CGA: variants seen among roughly 807,000 people sequenced by gnomAD.
CGA encodes the protein glycoprotein hormones, alpha polypeptide, also known as glycoprotein hormones alpha chain.
Under a neutral mutation model 12.0 loss-of-function variants are expected in CGA, and 4 were observed. The ratio of observed to expected loss-of-function variants is 0.33; its 90% confidence interval spans 0.16 to 0.76. The LOEUF (loss-of-function observed/expected upper bound fraction) is 0.76. Among genes scored for constraint, CGA ranks in the 30% least tolerant of loss-of-function variants. The pLI is 0.60. For synonymous variants in CGA, 60 were observed against 56.6 expected, an observed-to-expected ratio of 1.06 and a Z score of -0.27; for missense variants, 102 against 143.5, an observed-to-expected ratio of 0.71 and a Z score of 1.48.
chr6:87,089,968 T>C (rs1769401803), intron 1 of CGA, among the ~76,000 whole-genome samples: 1 of 152,230 alleles, frequency 6.6e-6, no homozygotes, highest in Admixed American at 6.5e-5. Flanking sequence ...TATCTCACTA[T>C]GTGTATGCAA....
At chr6:87,091,962 G>A (rs116128551) in intron 1 of CGA, among the ~76,000 whole-genome samples, 2,513 of 152,190 alleles carry the variant, frequency 0.017, 70 homozygotes, top group African/African-American at 0.057. Flanking sequence ...GCAGTGAGCC[G>A]AGATTGCGCC....
Position 87,088,104 on chromosome 6 carries a change from G to A in CGA, c.88+9C>T, listed in dbSNP as rs551251794. ...CCTTATTACTTGAACCACAAATTTGGTCACGCACCCTGCACATCAGGAGCG... is the reference window on the plus strand; with the variant it reads ...CCTTATTACTTGAACCACAAATTTGATCACGCACCCTGCACATCAGGAGCG... On this transcript the variant is annotated intron_variant, in intron 2 of 3. Transcript: ENST00000627148. 18 of 1,572,876 alleles carry A rather than the reference G, an allele frequency of 1.1e-5. No individual in the cohort carries two copies. In the African/African-American group the frequency reaches 2.1e-4, roughly 18 times the overall value.
chr6:87,094,948 T>C (rs956839415), intron 1 of CGA, 65 bp downstream of exon 1: 1 of 152,236 alleles, frequency 6.6e-6, no homozygotes. Flanking sequence ...TTTGGAATCT[T>C]CCTCATATTC....
chr6:87,092,710 G>A (rs1769463324), intron 1 of CGA, among the ~76,000 whole-genome samples: 1 of 151,406 alleles, frequency 6.6e-6, no homozygotes, highest in African/African-American at 2.4e-5. Context: ...GAACAACAGG[G>A]GAACAGGGAA....
chr6:87,092,780 C>T (rs888509278), intron 1 of CGA, among the ~76,000 whole-genome samples: 2 of 128,510 alleles, frequency 1.6e-5, no homozygotes, highest in African/African-American at 2.9e-5. Context: ...CATGGTCTCA[C>T]TCTGTGGATC....
chr6:87,090,460 A>G (rs914612470), intron 1 of CGA, among the ~76,000 whole-genome samples: 1 of 152,128 alleles, frequency 6.6e-6, no homozygotes, highest in Admixed American at 6.6e-5. Flanking sequence ...AATGCCACTC[A>G]TCACTAATTT....
rs1582318597 is a variant in CGA, at chr6:87,086,413, T to C, written c.110A>G (p.Gln37Arg). ...DVQDCPECTL[Q>R]ENPFFSQPGA... The stretch of plus-strand genomic sequence containing the variant: ...CGGCTGGGAGAAGAATGGGTTTTCC[T>C]GTAGCGTGCATTCTGGGCAATCTAT... Residue 37 changes from glutamine to arginine, a missense_variant, in exon 3 of 4, where the codon CAG (glutamine) becomes CGG (arginine). Coordinates refer to ENST00000627148, the MANE Select transcript of CGA (RefSeq NM_000735.4). The C allele has an allele frequency of 6.2e-7, 1 of 1,609,244 alleles. No homozygotes were observed. The highest frequency in any genetic ancestry group is 8.5e-7 in the Non-Finnish European group (1 of 1,178,578).
Position 87,085,596 on chromosome 6 carries a change from T to C in CGA, c.*160A>G, listed in dbSNP as rs1769302330. 4 of 618,158 alleles carry C rather than the reference T, an allele frequency of 6.5e-6. No individual in the cohort carries two copies. Among genetic ancestry groups the C allele is most frequent in the Non-Finnish European group, 1.2e-5 (4 of 338,320 alleles). 38.3% of individuals were successfully genotyped at this position (618,158 alleles called of 1,614,324 possible). On this transcript the variant is annotated 3_prime_UTR_variant, in exon 4 of 4. Coordinates refer to ENST00000627148, the MANE Select transcript of CGA (RefSeq NM_000735.4). ...CTAGACTGCTGATTGTACTGTAGGA[T>C]AAGGAGGAAGGCAGTAAAGCTGCAG...
In CGA at chr6:87,086,322, G is replaced by C. The variant is rs1769322799; in HGVS notation, c.201C>G (p.Ser67=). 1 of 1,614,098 alleles carries C rather than the reference G, an allele frequency of 6.2e-7. No homozygotes were observed. Among genetic ancestry groups the C allele is most frequent in the Non-Finnish European group, 8.5e-7 (1 of 1,179,994 alleles). ...TCTTTTGGACCAACATCGTCTTCTT[G>C]GACCTTAGTGGAGTGGGATATGCTC... ...FSRAYPTPLR[S]KKTMLVQKNV... is the part of the protein sequence containing the mutation. Residue 67 remains serine (S), a synonymous_variant, in exon 3 of 4, where the codon TCC becomes TCG. Coordinates refer to ENST00000627148, the MANE Select transcript of CGA (RefSeq NM_000735.4).
In CGA at chr6:87,089,260, T is replaced by A. The variant is rs1371607636; in HGVS notation, c.-7-1053A>T. On this transcript the variant is annotated intron_variant, in intron 1 of 3. Coordinates refer to ENST00000627148, the MANE Select transcript of CGA (RefSeq NM_000735.4). ...AGAAGTGTATGAGGGTGAGTATGGC[T>A]CTAAAGGGATAGCACAAGGGAGCTG... 2.0e-5 allele frequency: 3 copies of A among 152,324 alleles called. No individual in the cohort carries two copies. The East Asian group carries it at 5.8e-4, about 29-fold the overall frequency. The allele number at this position is 152,324 out of a possible 1,614,324, so 9.4% of individuals were successfully genotyped here.
chr6:87,088,679 G>A (rs573291775), intron 1 of CGA, among the ~76,000 whole-genome samples: 5 of 152,060 alleles, frequency 3.3e-5, no homozygotes, highest in Admixed American at 6.5e-5. Flanking sequence ...TTAAGGAAAT[G>A]CAAATTAAAA....
chr6:87,088,959 A>T (rs1769379753), intron 1 of CGA: 1 of 152,240 alleles, frequency 6.6e-6, no homozygotes, highest in Non-Finnish European at 1.5e-5. Context: ...ATTCATAGAA[A>T]CTTTGTTTAG....
chr6:87,086,525 C>T lies in CGA; in HGVS notation c.89-91G>A, dbSNP rs764470302. The T allele has an allele frequency of 6.4e-5, 83 of 1,290,376 alleles. 1 individual carries two copies. In the Middle Eastern group the frequency reaches 1.6e-3, roughly 25 times the overall value. 79.9% of individuals were successfully genotyped at this position (1,290,376 alleles called of 1,614,324 possible). A position where few individuals can be genotyped will look rare whatever the true frequency, so the allele number is the denominator to read the frequency against. The stretch of plus-strand genomic sequence containing the variant: ...AGCACAGTAGCTCACGCCTGTAATC[C>T]TAGCACTTTGGGAGGCCTTAGTGGG... On this transcript the variant is annotated intron_variant, in intron 2 of 3. Coordinates refer to ENST00000627148, the MANE Select transcript of CGA (RefSeq NM_000735.4).
chr6:87,093,606 A>G (rs1398745042), intron 1 of CGA, among the ~76,000 whole-genome samples: 1 of 152,142 alleles, frequency 6.6e-6, no homozygotes, highest in East Asian at 1.9e-4. Context: ...ATGTAAGTTC[A>G]CTCCTGTAAA....
At chr6:87,086,804 G>A (rs1373875290) in intron 2 of CGA, among the ~76,000 whole-genome samples, 1 of 149,086 alleles carries the variant, frequency 6.7e-6, no homozygotes, top group African/African-American at 2.5e-5. Flanking sequence ...AAGAAAAAAT[G>A]TGGTGGCTCA....
In CGA at chr6:87,095,019, C is replaced by T. The variant is rs1769512484; in HGVS notation, c.-14G>A. On this transcript the variant is annotated 5_prime_UTR_variant, in exon 1 of 4. Coordinates refer to ENST00000627148, the MANE Select transcript of CGA (RefSeq NM_000735.4). ...ATTATTTCATTCATATTACCTTTCTCTGGGCTTTTTGCAGGATGTGTTCAG... is the reference window on the plus strand; with the variant it reads ...ATTATTTCATTCATATTACCTTTCTTTGGGCTTTTTGCAGGATGTGTTCAG... The T allele has an allele frequency of 1.3e-5, 2 of 152,236 alleles. No individual in the cohort carries two copies. Among genetic ancestry groups the T allele is most frequent in the African/African-American group, 4.8e-5 (2 of 41,464 alleles). 9.4% of individuals were successfully genotyped at this position (152,236 alleles called of 1,614,324 possible).
intron 1 of CGA, among the ~76,000 whole-genome samples, chr6:87,092,742 C>CTTTTTTTT (rs35436814): frequency 1.3e-5 from 1 of 78,040 alleles, no homozygotes; most frequent in East Asian, 4.8e-4. Context: ...CATTAGCTTT[C>CTTTTTTTT]TTTTTTTTTT....
At chr6:87,090,637 A>ATTTTTTTTTTT (rs147883019) in intron 1 of CGA, among the ~76,000 whole-genome samples, 7 of 124,828 alleles carry the variant, frequency 5.6e-5, no homozygotes, top group African/African-American at 1.2e-4. Context: ...CTCTTCAATA[A>ATTTTTTTTTTT]TTTTTTTTTT....
At chr6:87,089,437 A>T (rs1769389270) in intron 1 of CGA, among the ~76,000 whole-genome samples, 1 of 152,216 alleles carries the variant, frequency 6.6e-6, no homozygotes, top group East Asian at 1.9e-4. Flanking sequence ...TCAGTTCTCT[A>T]GTATTCACCT....
Sources: allele counts gnomAD v4.1 joint callset (sites outside exome capture counted in the v4.1 genomes callset), GRCh38; gene constraint gnomAD v4.1.1; transcripts MANE v1.5; gene names NCBI Gene and HGNC (gene_info 2026-07-23, HGNC 2026-07-21).